The following ZCWPW2 variants were observed in gnomAD, a reference collection of about 807,000 sequenced individuals.
ZCWPW2 encodes zinc finger CW-type and PWWP domain containing 2, also known as zinc finger CW-type PWWP domain protein 2.
ZCWPW2 carries 45 observed loss-of-function variants against 46.6 expected under a neutral mutation model. That is an observed-to-expected ratio of 0.96 (90% CI 0.76 to 1.24). ZCWPW2 has a LOEUF of 1.24. Ranked by LOEUF, ZCWPW2 falls within the 50% of genes most tolerant of loss-of-function variation. ZCWPW2 has a pLI of 0.00. For missense variants in ZCWPW2, 429 were observed against 403.9 expected (o/e 1.06, Z -0.53); for synonymous variants, 152 against 137.1 (o/e 1.11, Z -0.76).
intron 2 of ZCWPW2, among the ~76,000 whole-genome samples, chr3:28,400,660 T>C (rs919546812): frequency 6.6e-6 from 1 of 152,186 alleles, no homozygotes; most frequent in African/African-American, 2.4e-5. Context: ...GAAAGAATTA[T>C]CAGCCAAGAA....
chr3:28,368,914 T>C (rs1165161457), intron 1 of ZCWPW2, among the ~76,000 whole-genome samples: 1 of 152,214 alleles, frequency 6.6e-6, no homozygotes, highest in African/African-American at 2.4e-5. Flanking sequence ...TCATTTGATC[T>C]TCCATTACTG....
At chr3:28,410,761 C>G (rs1259205375) in intron 2 of ZCWPW2, among the ~76,000 whole-genome samples, 1 of 151,476 alleles carries the variant, frequency 6.6e-6, no homozygotes, top group South Asian at 2.1e-4. Context: ...CAGAGAATGT[C>G]CAAAGAAAGT....
At chr3:28,447,798 C>T (rs1326565361) in intron 4 of ZCWPW2, 3 of 822,894 alleles carry the variant, frequency 3.6e-6, no homozygotes, top group Non-Finnish European at 4.1e-6. Context: ...CTTTCCTGAA[C>T]CCCTGGCAAT....
rs976928745 is a variant in ZCWPW2 at position 28,392,863 on chromosome 3, G to C, written c.-14+2246G>C. ...AATACATACATGAAGAAAAATGAAA[G>C]AGTTTAAATAAAGTTTACACCTCAA... On this transcript the variant is annotated intron_variant, in intron 2 of 9. Transcript: ENST00000383768. Among the ~76,000 whole-genome samples the C allele has an allele frequency of 9.9e-5, 15 of 151,158 alleles. No individual in the cohort carries two copies. In the South Asian group the frequency reaches 2.1e-3, roughly 21 times the overall value.
chr3:28,491,899 A>G (rs1404483238), intron 5 of ZCWPW2, among the ~76,000 whole-genome samples: 1 of 152,198 alleles, frequency 6.6e-6, no homozygotes, highest in East Asian at 1.9e-4. Context: ...AAGAGAGGAG[A>G]TCTGCCAAAT....
In ZCWPW2 at chr3:28,367,379, C is replaced by G. The variant is rs1451393109; in HGVS notation, c.-134+18176C>G. Among the ~76,000 whole-genome samples, 6 of 152,124 alleles carry G rather than the reference C, an allele frequency of 3.9e-5. No homozygotes were observed. In the South Asian group the frequency reaches 6.2e-4, roughly 16 times the overall value. On this transcript the variant is annotated intron_variant, in intron 1 of 9. Coordinates refer to ENST00000383768, the MANE Select transcript of ZCWPW2 (RefSeq NM_001040432.4). ...TCGTTTGTTTCAAAGAACATCTTTA[C>G]TTCTGCCTTCATTTCGTTATGTACC...
At chr3:28,507,324 C>G (rs1459626481) in intron 6 of ZCWPW2, among the ~76,000 whole-genome samples, 1 of 152,092 alleles carries the variant, frequency 6.6e-6, no homozygotes, top group Non-Finnish European at 1.5e-5. Context: ...CGATAAAGTA[C>G]TTTTCACTTG....
At chr3:28,447,027 T>A (rs948557514) in intron 4 of ZCWPW2, among the ~76,000 whole-genome samples, 1 of 152,034 alleles carries the variant, frequency 6.6e-6, no homozygotes, top group Non-Finnish European at 1.5e-5. Flanking sequence ...GTAATCCAAA[T>A]CTCCCAACAA....
At chr3:28,518,288 T>C (rs1223800980) in intron 8 of ZCWPW2, among the ~76,000 whole-genome samples, 2 of 151,286 alleles carry the variant, frequency 1.3e-5, no homozygotes, top group African/African-American at 2.4e-5. Flanking sequence ...TTGAAACAAG[T>C]CAGAGAAACT....
chr3:28,392,103 AG>A (rs1428247602), intron 2 of ZCWPW2, among the ~76,000 whole-genome samples: 2 of 152,314 alleles, frequency 1.3e-5, no homozygotes, highest in Non-Finnish European at 2.9e-5. Context: ...TTCAGCTTTA[AG>A]GACATATAGA....
At chr3:28,448,751 C>T (rs1698098739) in intron 4 of ZCWPW2, among the ~76,000 whole-genome samples, 1 of 105,956 alleles carries the variant, frequency 9.4e-6, no homozygotes, top group African/African-American at 3.6e-5. Flanking sequence ...TGCCACTACA[C>T]TCCAGCCTGG....
chr3:28,505,189 C>G (rs550282063), intron 6 of ZCWPW2, among the ~76,000 whole-genome samples: 1 of 152,212 alleles, frequency 6.6e-6, no homozygotes, highest in South Asian at 2.1e-4. Context: ...AATACACACT[C>G]CAGTGTTCTC....
At chr3:28,411,093 G>A (rs1696379394) in intron 2 of ZCWPW2, among the ~76,000 whole-genome samples, 1 of 151,454 alleles carries the variant, frequency 6.6e-6, no homozygotes, top group South Asian at 2.1e-4. Flanking sequence ...TAAAATAATA[G>A]ACAAATCTTA....
At chr3:28,411,978 A>C (rs1199903794) in intron 2 of ZCWPW2, among the ~76,000 whole-genome samples, 1 of 151,982 alleles carries the variant, frequency 6.6e-6, no homozygotes, top group Admixed American at 6.6e-5. Context: ...AAAATTTTCG[A>C]ACTATGGCTA....
chr3:28,518,595 G>T (rs1180737742), intron 8 of ZCWPW2, among the ~76,000 whole-genome samples: 1 of 152,156 alleles, frequency 6.6e-6, no homozygotes, highest in Non-Finnish European at 1.5e-5. Flanking sequence ...TGATCAAAAG[G>T]CAGTGTACAT....
chr3:28,478,946 T>C lies in ZCWPW2; in HGVS notation c.610+15T>C, dbSNP rs774760015. ...AAAACTACAAGGTGTATAAATATTTTTTCTTTATTACTCTGAAATAAGGAT... is the reference window on the plus strand; with the variant it reads ...AAAACTACAAGGTGTATAAATATTTCTTCTTTATTACTCTGAAATAAGGAT... On this transcript the variant is annotated intron_variant, in intron 5 of 9. Transcript: ENST00000383768. The C allele has an allele frequency of 3.4e-6, 5 of 1,482,690 alleles. No homozygotes were observed. The East Asian group carries it at 1.2e-4, about 35-fold the overall frequency. The allele number at this position is 1,482,690 out of a possible 1,614,324, so 91.8% of individuals were successfully genotyped here.
chr3:28,371,518 G>T (rs1705333784), intron 1 of ZCWPW2, among the ~76,000 whole-genome samples: 3 of 152,100 alleles, frequency 2.0e-5, no homozygotes, highest in Admixed American at 6.6e-5. Flanking sequence ...GATCAGCTTG[G>T]TATAGTGGCT....
At position 28,525,664 on chromosome 3, in the gene ZCWPW2, T is replaced by C; in HGVS notation, c.*976T>C. On this transcript the variant is annotated 3_prime_UTR_variant, in exon 10 of 10. Transcript: ENST00000383768. ...CAAGGAGGCAGCACATGTCTAGATA[T>C]TAAAAACAAATAAGACACCAAACAA... Among the ~76,000 whole-genome samples, 2 of 152,180 alleles carry C rather than the reference T, an allele frequency of 1.3e-5. 1 individual carries two copies. The highest frequency in any genetic ancestry group is 3.9e-4 in the East Asian group (2 of 5,190).
At chr3:28,513,197 G>A (rs1468314237) in intron 6 of ZCWPW2, among the ~76,000 whole-genome samples, 1 of 152,004 alleles carries the variant, frequency 6.6e-6, no homozygotes, top group Non-Finnish European at 1.5e-5. Flanking sequence ...TTCTCCAAAT[G>A]ATCTATATGC....
Sources: gnomAD v4.1 joint callset for allele counts (sites outside exome capture counted in the v4.1 genomes callset) on GRCh38, gnomAD v4.1.1 for gene constraint, MANE v1.5 for transcripts, NCBI Gene and HGNC (gene_info 2026-07-23, HGNC 2026-07-21) for gene names.